MYO1D: variants seen among roughly 807,000 people sequenced by gnomAD.
The protein encoded by MYO1D is unconventional myosin-Id.
A neutral mutation model predicts 122.0 loss-of-function variants in MYO1D; 83 were observed. The ratio of observed to expected loss-of-function variants is 0.68; its 90% CI spans 0.57 to 0.82. The LOEUF (loss-of-function observed/expected upper bound fraction) is 0.82, where lower values mean the gene tolerates loss of function less well. MYO1D is among the 40% of genes least tolerant of loss of function. The probability of loss-of-function intolerance (pLI) is 0.00; values close to 1 mark genes in which losing one functional copy is unlikely to be tolerated. For missense variants in MYO1D, 1,157 were observed against 1,269.5 expected, an observed-to-expected ratio of 0.91 and a Z score of 1.35; for synonymous variants, 464 against 446.9, an observed-to-expected ratio of 1.04 and a Z score of -0.48.
At chr17:32,760,247 T>C (rs1373499295) in intron 10 of MYO1D, 43 bp downstream of exon 10, 8 of 1,439,254 alleles carry the variant, frequency 5.6e-6, no homozygotes, top group South Asian at 2.4e-5. Context: ...TTATCAATAA[T>C]ATGAGAAACA....
Position 32,760,570 on chromosome 17 carries a change from C to T in MYO1D, c.1093G>A (p.Val365Ile). 6.2e-7 allele frequency: 1 copy of T among 1,613,820 alleles called. No individual in the cohort carries two copies. The highest frequency in any genetic ancestry group is 8.5e-7 in the Non-Finnish European group (1 of 1,179,826). ...IVTRINDIIE[V>I]KNYDTTIHGK... Reference sequence around the variant, plus strand: ...TGGATTGTGGTGTCATAGTTCTTGACCTCAATAATATCATTGATGCGAGTA... The same window carrying T: ...TGGATTGTGGTGTCATAGTTCTTGATCTCAATAATATCATTGATGCGAGTA... The change falls in exon 9 of 22, where the codon GTC (valine) becomes ATC (isoleucine). Residue 365 changes from valine to isoleucine, a missense_variant. Val to Ile is a conservative substitution (Grantham distance 29). Coordinates refer to ENST00000318217, the MANE Select transcript of MYO1D (RefSeq NM_015194.3).
At chr17:32,828,535 A>G (rs1003590012) in intron 1 of MYO1D, among the ~76,000 whole-genome samples, 145 of 151,300 alleles carry the variant, frequency 9.6e-4, no homozygotes, top group Non-Finnish European at 1.8e-3. Context: ...AAAAAAAAAA[A>G]AAAAGAAAGA....
chr17:32,826,935 T>G (rs1237630820), intron 1 of MYO1D, among the ~76,000 whole-genome samples: 1 of 152,176 alleles, frequency 6.6e-6, no homozygotes, highest in Non-Finnish European at 1.5e-5. Flanking sequence ...AACATGGGAA[T>G]GTATGTTAGG....
At chr17:32,629,555 A>T (rs1320473226) in intron 20 of MYO1D, among the ~76,000 whole-genome samples, 3 of 152,092 alleles carry the variant, frequency 2.0e-5, no homozygotes, top group African/African-American at 7.2e-5. Flanking sequence ...CAAGATGGTG[A>T]AACCTCGTCT....
intron 16 of MYO1D, among the ~76,000 whole-genome samples, chr17:32,691,985 G>A (rs2089108458): frequency 6.6e-6 from 1 of 152,028 alleles, no homozygotes; most frequent in Non-Finnish European, 1.5e-5. Flanking sequence ...TGGTCTGAGT[G>A]TCCATATTTT....
chr17:32,777,734 A>G (rs2090190266), intron 3 of MYO1D, among the ~76,000 whole-genome samples: 1 of 152,062 alleles, frequency 6.6e-6, no homozygotes, highest in African/African-American at 2.4e-5. Context: ...TCACGAGGTC[A>G]GGAGATCGAG....
intron 15 of MYO1D, among the ~76,000 whole-genome samples, chr17:32,718,798 G>A (rs1039531920): frequency 1.3e-5 from 2 of 152,050 alleles, no homozygotes; most frequent in East Asian, 3.9e-4. Flanking sequence ...TATCTTTGCT[G>A]GTTCTTTCAT....
At chr17:32,636,197 A>G (rs1464728278) in intron 20 of MYO1D, among the ~76,000 whole-genome samples, 1 of 152,130 alleles carries the variant, frequency 6.6e-6, no homozygotes, top group Non-Finnish European at 1.5e-5. Flanking sequence ...CCCACTCTAT[A>G]CCATCAGACT....
At chr17:32,836,777 G>A (rs765471023) in intron 1 of MYO1D, among the ~76,000 whole-genome samples, 1 of 151,908 alleles carries the variant, frequency 6.6e-6, no homozygotes, top group Non-Finnish European at 1.5e-5. Context: ...ATTATACCAC[G>A]GTTAAGCCAT....
chr17:32,673,244 C>A (rs2088750339), intron 16 of MYO1D, among the ~76,000 whole-genome samples: 2 of 151,332 alleles, frequency 1.3e-5, no homozygotes. Context: ...ATTGGGATTA[C>A]AAGCACGTGC....
At chr17:32,758,749 TG>T (rs1325322581) in intron 10 of MYO1D, among the ~76,000 whole-genome samples, 2 of 152,190 alleles carry the variant, frequency 1.3e-5, no homozygotes, top group Non-Finnish European at 2.9e-5. Flanking sequence ...TTTAGAAGTT[TG>T]GGGTTTTACC....
At chr17:32,663,287 T>C (rs1027543678) in intron 16 of MYO1D, among the ~76,000 whole-genome samples, 1 of 152,182 alleles carries the variant, frequency 6.6e-6, no homozygotes, top group Non-Finnish European at 1.5e-5. Context: ...ACCTGAAAAC[T>C]GTTTAGTAAA....
rs570786987 is a variant in MYO1D, at chr17:32,718,615, C to T, written c.1913+2408G>A. Among the ~76,000 whole-genome samples, 5 of 152,076 alleles carry T rather than the reference C, an allele frequency of 3.3e-5. No homozygotes were observed. The East Asian group carries it at 5.8e-4, about 18-fold the overall frequency. On this transcript the variant is annotated intron_variant, in intron 15 of 21. Transcript: ENST00000318217. The stretch of plus-strand genomic sequence containing the variant: ...ATTTGGGAGGCTGGGGTGGGAGAAT[C>T]GCTTGAACCCGGGAGGTGGAGCTGC...
chr17:32,512,895 A>G (rs568742603), intron 21 of MYO1D: 14 of 152,420 alleles, frequency 9.2e-5, no homozygotes, highest in Admixed American at 4.6e-4. Flanking sequence ...GGACTTGACA[A>G]TGAGTTCAAG....
intron 1 of MYO1D, among the ~76,000 whole-genome samples, chr17:32,798,144 G>A (rs2090433931): frequency 6.6e-6 from 1 of 152,158 alleles, no homozygotes. Context: ...TTTCCCAGAC[G>A]CTCCTAAAGT....
At chr17:32,502,471 C>T (rs1026937673) in intron 21 of MYO1D, among the ~76,000 whole-genome samples, 11 of 152,020 alleles carry the variant, frequency 7.2e-5, no homozygotes, top group East Asian at 5.8e-4. Context: ...GAAAATATTC[C>T]GGAACTAGGT....
At chr17:32,849,309 T>C (rs1243610891) in intron 1 of MYO1D, among the ~76,000 whole-genome samples, 1 of 149,390 alleles carries the variant, frequency 6.7e-6, no homozygotes, top group Non-Finnish European at 1.5e-5. Flanking sequence ...GCCATCCCAT[T>C]ACTGGGTATA....
At chr17:32,688,571 CA>C in intron 16 of MYO1D, among the ~76,000 whole-genome samples, 1 of 152,230 alleles carries the variant, frequency 6.6e-6, no homozygotes, top group East Asian at 1.9e-4. Context: ...GTAAGCAAGG[CA>C]AACAGTATGT....
rs186788147 is a variant in MYO1D, at chr17:32,653,747, G to A, written c.2595+96C>T. The A allele has an allele frequency of 6.0e-5, 58 of 971,352 alleles. No individual in the cohort carries two copies. In the African/African-American group the frequency reaches 8.6e-4, roughly 14 times the overall value. 60.2% of individuals were successfully genotyped at this position (971,352 alleles called of 1,614,324 possible). The stretch of plus-strand genomic sequence containing the variant: ...GTGAACTGATGATGAAGCTAGTTAT[G>A]TACCTACTGTTATGTTTTATTACAG... On this transcript the variant is annotated intron_variant, in intron 19 of 21. Transcript: ENST00000318217.
Sources: allele counts gnomAD v4.1 joint callset (sites outside exome capture counted in the v4.1 genomes callset), GRCh38; gene constraint gnomAD v4.1.1; transcripts MANE v1.5; gene names NCBI Gene and HGNC (gene_info 2026-07-23, HGNC 2026-07-21).